The following NTN4 variants were observed in gnomAD, a reference collection of about 807,000 sequenced individuals.
The protein encoded by NTN4 is netrin-4.
A neutral mutation model predicts 73.6 loss-of-function variants in NTN4; 32 were observed. The observed-to-expected ratio is 0.44, with a 90% CI of 0.33 to 0.58. The LOEUF (loss-of-function observed/expected upper bound fraction) is 0.58. Ranked by LOEUF, NTN4 falls within the 20% of genes least tolerant of loss-of-function variation. The probability of loss-of-function intolerance (pLI) is 0.04; values close to 1 mark genes in which losing one functional copy is unlikely to be tolerated. For synonymous variants in NTN4, 258 were observed against 287.5 expected (o/e 0.90, Z 1.04); for missense variants, 654 against 798.3 (o/e 0.82, Z 2.18).
chr12:95,764,821 A>G (rs1246490784), intron 2 of NTN4, among the ~76,000 whole-genome samples: 1 of 152,210 alleles, frequency 6.6e-6, no homozygotes, highest in Non-Finnish European at 1.5e-5. Context: ...CAGTACTTCA[A>G]ATTGAGAATC....
Position 95,720,589 on chromosome 12 carries a change from C to T in NTN4, c.865-7251G>A, listed in dbSNP as rs147020118. 3.1e-3 allele frequency among the ~76,000 whole-genome samples: 474 copies of T among 152,088 alleles called. 3 individuals carry two copies. The highest frequency in any genetic ancestry group is 0.011 in the African/African-American group (447 of 41,506). ...ATGAAGCCTTGAGAACTCAAGTTACCGAGCTTAGTCTCATTTTTAAAACTG... is the reference window on the plus strand; with the variant it reads ...ATGAAGCCTTGAGAACTCAAGTTACTGAGCTTAGTCTCATTTTTAAAACTG... On this transcript the variant is annotated intron_variant, in intron 3 of 9. Transcript: ENST00000343702.
In NTN4 at chr12:95,693,511, G is replaced by A. The variant is rs150649693; in HGVS notation, c.1181-9800C>T. 7.2e-5 allele frequency among the ~76,000 whole-genome samples: 11 copies of A among 151,910 alleles called. No homozygotes were observed. The East Asian group carries it at 1.8e-3, about 24-fold the overall frequency. On this transcript the variant is annotated intron_variant, in intron 5 of 9. Transcript: ENST00000343702. ...TTTGAGAGGGCGAGGCAGGCAGATC[G>A]CTTAGGGTCAGGATTTAGAGACCAG...
At chr12:95,767,185 C>T (rs1377367685) in intron 2 of NTN4, among the ~76,000 whole-genome samples, 1 of 152,106 alleles carries the variant, frequency 6.6e-6, no homozygotes, top group Non-Finnish European at 1.5e-5. Flanking sequence ...ACCACCCTCT[C>T]CAACCACTCT....
chr12:95,751,309 C>T (rs1277503123), intron 2 of NTN4, among the ~76,000 whole-genome samples: 2 of 151,718 alleles, frequency 1.3e-5, no homozygotes, highest in African/African-American at 2.4e-5. Context: ...TCAAGGTGTA[C>T]AATAATAGAA....
At chr12:95,669,861 C>T (rs2078213848) in intron 8 of NTN4, among the ~76,000 whole-genome samples, 1 of 152,236 alleles carries the variant, frequency 6.6e-6, no homozygotes, top group South Asian at 2.1e-4. Flanking sequence ...TACCTTTGCT[C>T]TACAAGCATT....
chr12:95,790,207 G>C lies in NTN4; in HGVS notation c.55+48C>G. The stretch of plus-strand genomic sequence containing the variant: ...CACCCCCGAGTCCCGAGATGGGTTA[G>C]AGAAGCAGCGAGGGAAGGGGTGGGG... On this transcript the variant is annotated intron_variant, in intron 1 of 9. Coordinates refer to ENST00000343702, the MANE Select transcript of NTN4 (RefSeq NM_021229.4). This position sits in a 1 kb window ranked among gnomAD's most constrained non-coding sequence, Gnocchi z 6.5. 1 of 1,499,066 alleles carries C rather than the reference G, an allele frequency of 6.7e-7. No individual in the cohort carries two copies. Among genetic ancestry groups the C allele is most frequent in the Non-Finnish European group, 9.0e-7 (1 of 1,115,054 alleles). 92.9% of individuals were successfully genotyped at this position (1,499,066 alleles called of 1,614,324 possible). A position where few individuals can be genotyped will look rare whatever the true frequency, so the allele number is the denominator to read the frequency against.
chr12:95,679,325 A>G (rs73222128), intron 7 of NTN4, among the ~76,000 whole-genome samples: 200 of 152,376 alleles, frequency 1.3e-3, no homozygotes, highest in Non-Finnish European at 1.8e-3. Flanking sequence ...GAAACATGAT[A>G]GACAAGACAC....
At chr12:95,677,399 C>G (rs1328418765) in intron 7 of NTN4, among the ~76,000 whole-genome samples, 1 of 151,990 alleles carries the variant, frequency 6.6e-6, no homozygotes, top group Non-Finnish European at 1.5e-5. Context: ...ATTCAAGTAA[C>G]AGATGATTCT....
chr12:95,666,522 G>A (rs755545440), intron 8 of NTN4, among the ~76,000 whole-genome samples: 28 of 152,152 alleles, frequency 1.8e-4, no homozygotes, highest in Non-Finnish European at 3.2e-4. Context: ...TATTTGTTAG[G>A]CAATTTCAAA....
intron 5 of NTN4, among the ~76,000 whole-genome samples, chr12:95,697,594 C>T (rs1180822912): frequency 6.6e-6 from 1 of 150,888 alleles, no homozygotes; most frequent in African/African-American, 2.4e-5. Context: ...GGCTATTTAT[C>T]AGTAAGCAGG....
rs114657911 is a variant in NTN4, at chr12:95,765,522, G to A, written c.585+21417C>T. On this transcript the variant is annotated intron_variant, in intron 2 of 9. Coordinates refer to ENST00000343702, the MANE Select transcript of NTN4 (RefSeq NM_021229.4). ...CAGTTGACCAAAGTTAGTACTGGAA[G>A]TCCCTAACTTACGACTGGGTTGTGC... Among the ~76,000 whole-genome samples the A allele has an allele frequency of 5.0e-3, 766 of 152,310 alleles. 6 individuals are homozygous for A. The highest frequency in any genetic ancestry group is 0.017 in the African/African-American group (713 of 41,574).
At chr12:95,768,724 A>C (rs1189337644) in intron 2 of NTN4, among the ~76,000 whole-genome samples, 1 of 152,228 alleles carries the variant, frequency 6.6e-6, no homozygotes, top group Non-Finnish European at 1.5e-5. Flanking sequence ...TTGGGGAGCA[A>C]GCGAGACAGA....
chr12:95,790,625 C>G lies in NTN4; in HGVS notation c.-316G>C, dbSNP rs1327386810. 1 of 207,342 alleles carries G rather than the reference C, an allele frequency of 4.8e-6. No homozygotes were observed. Among genetic ancestry groups the G allele is most frequent in the Non-Finnish European group, 9.6e-6 (1 of 104,108 alleles). The allele number at this position is 207,342 out of a possible 1,614,324, so 12.8% of individuals were successfully genotyped here. On this transcript the variant is annotated 5_prime_UTR_variant, in exon 1 of 10. Coordinates refer to ENST00000343702, the MANE Select transcript of NTN4 (RefSeq NM_021229.4). The surrounding 1 kb of genome is among the most constrained non-coding windows in gnomAD (Gnocchi z 6.5). Reference sequence around the variant, plus strand: ...GCCCTGCGGGCTCGTCTGCCGCTAGCCCGGGGCTCGGCGCCCGCAGCCGCC... The same window carrying G: ...GCCCTGCGGGCTCGTCTGCCGCTAGGCCGGGGCTCGGCGCCCGCAGCCGCC...
chr12:95,683,683 A>C lies in NTN4; in HGVS notation c.1209T>G (p.Ala403=), dbSNP rs1198759135. ...AGGTCACTGAGTTGGCAGGAAGGAC[A>C]GCTGATCCTACTGGATGGCAGGAAC... is the stretch of plus-strand genomic sequence containing the variant. The part of the protein sequence containing the change: ...KPCSCHPVGS[A]VLPANSVTFC... The change falls in exon 6 of 10, where the codon GCT becomes GCG. Residue 403 remains alanine, a synonymous_variant. Transcript: ENST00000343702. The C allele has an allele frequency of 6.2e-7, 1 of 1,612,032 alleles. No homozygotes were observed. The highest frequency in any genetic ancestry group is 1.3e-5 in the African/African-American group (1 of 75,000).
intron 2 of NTN4, among the ~76,000 whole-genome samples, chr12:95,752,457 C>T (rs1199219860): frequency 3.3e-5 from 5 of 151,732 alleles, no homozygotes; most frequent in Admixed American, 3.3e-4. Flanking sequence ...ATCCCAGCCT[C>T]TCTTTGCTTT....
At chr12:95,704,362 AAAAGT>A (rs1444270436) in intron 5 of NTN4, among the ~76,000 whole-genome samples, 16 of 152,186 alleles carry the variant, frequency 1.1e-4, no homozygotes, top group African/African-American at 3.9e-4. Context: ...CCTTCCTCAT[AAAAGT>A]AAAGTGGGAA....
At chr12:95,774,853 AG>A (rs1400649709) in intron 2 of NTN4, among the ~76,000 whole-genome samples, 3 of 152,234 alleles carry the variant, frequency 2.0e-5, no homozygotes, top group Non-Finnish European at 4.4e-5. Context: ...TCTCTCACCC[AG>A]TAGGTTGTAA....
intron 8 of NTN4, among the ~76,000 whole-genome samples, chr12:95,668,247 C>T (rs188592297): frequency 5.3e-5 from 8 of 150,344 alleles, no homozygotes; most frequent in African/African-American, 1.5e-4. Flanking sequence ...TGTTTCATTA[C>T]ATTAAGAGCG....
chr12:95,777,226 A>G (rs11503234), intron 2 of NTN4, among the ~76,000 whole-genome samples: 173 of 152,348 alleles, frequency 1.1e-3, no homozygotes, highest in African/African-American at 4.1e-3. Context: ...TGTAAAGACC[A>G]TCAATGCTAG....
Sources: allele counts gnomAD v4.1 joint callset (sites outside exome capture counted in the v4.1 genomes callset), GRCh38; gene constraint gnomAD v4.1.1; non-coding constraint Gnocchi (gnomAD v3.1); transcripts MANE v1.5; gene names NCBI Gene and HGNC (gene_info 2026-07-23, HGNC 2026-07-21).